DPP6: variants seen among roughly 807,000 people sequenced by gnomAD.
DPP6 encodes A-type potassium channel modulatory protein DPP6.
In DPP6, 69 loss-of-function variants were observed where a neutral mutation model predicts 122.6. The ratio of observed to expected loss-of-function variants is 0.56; its 90% CI spans 0.46 to 0.69. The LOEUF (loss-of-function observed/expected upper bound fraction) is 0.69, where lower values mean the gene tolerates loss of function less well. Ranked by LOEUF, DPP6 falls within the 30% of genes least tolerant of loss-of-function variation. The pLI is 0.00. For missense variants in DPP6, 928 were observed against 1,116.9 expected, an observed-to-expected ratio of 0.83 and a Z score of 2.41; for synonymous variants, 418 against 433.1, an observed-to-expected ratio of 0.97 and a Z score of 0.43.
At chr7:154,066,061 T>C (rs1453402887) in intron 1 of DPP6, among the ~76,000 whole-genome samples, 1 of 80,184 alleles carries the variant, frequency 1.2e-5, no homozygotes, top group Non-Finnish European at 2.9e-5. Flanking sequence ...TTTTTTTTAC[T>C]TTTTTTTTTT....
At chr7:154,080,722 T>G in intron 1 of DPP6, among the ~76,000 whole-genome samples, 1 of 152,204 alleles carries the variant, frequency 6.6e-6, no homozygotes, top group East Asian at 1.9e-4. Context: ...TCTTTTCCCA[T>G]TTCCTGCATG....
chr7:154,029,769 C>T (rs1799134125), intron 1 of DPP6, among the ~76,000 whole-genome samples: 2 of 151,532 alleles, frequency 1.3e-5, no homozygotes, highest in South Asian at 4.2e-4. Flanking sequence ...TGGCGTGAAC[C>T]CGGGAGGCAG....
Position 154,514,131 on chromosome 7 carries a change from G to A in DPP6, c.458-26401G>A, listed in dbSNP as rs191451432. ...TCTACTAAAATTCCAAAACAATTAG[G>A]CAGGCATGGTGGTGGGTACCTGTAA... is the stretch of plus-strand genomic sequence containing the variant. On this transcript the variant is annotated intron_variant, in intron 3 of 25. Coordinates refer to ENST00000377770, the MANE Select transcript of DPP6 (RefSeq NM_130797.4). Among the ~76,000 whole-genome samples, 489 of 152,112 alleles carry A rather than the reference G, an allele frequency of 3.2e-3. 4 individuals are homozygous for A. Among genetic ancestry groups the A allele is most frequent in the Non-Finnish European group, 5.5e-3 (376 of 67,996 alleles).
chr7:154,449,760 C>T (rs1271357689), intron 2 of DPP6, among the ~76,000 whole-genome samples: 1 of 152,016 alleles, frequency 6.6e-6, no homozygotes, highest in Admixed American at 6.6e-5. Flanking sequence ...ATAATCCCAG[C>T]ACTTTGGGAG....
At chr7:153,897,005 A>G (rs1307617316) in intron 1 of DPP6, among the ~76,000 whole-genome samples, 1 of 152,068 alleles carries the variant, frequency 6.6e-6, no homozygotes, top group Non-Finnish European at 1.5e-5. Context: ...TTTTTTTAAG[A>G]TCTCCACCCT....
At chr7:154,650,755 A>G (rs1275872870) in intron 6 of DPP6, among the ~76,000 whole-genome samples, 1 of 152,168 alleles carries the variant, frequency 6.6e-6, no homozygotes, top group Non-Finnish European at 1.5e-5. Flanking sequence ...GAAACCAGAT[A>G]AAATTCGTGT....
intron 1 of DPP6, among the ~76,000 whole-genome samples, chr7:154,331,056 G>A (rs1426044736): frequency 1.3e-5 from 2 of 152,180 alleles, no homozygotes; most frequent in Non-Finnish European, 2.9e-5. Flanking sequence ...ATTGCTGGTG[G>A]CAGTCATCTC....
At chr7:154,617,879 C>T (rs542572380) in intron 5 of DPP6, among the ~76,000 whole-genome samples, 106 of 152,240 alleles carry the variant, frequency 7.0e-4, no homozygotes, top group Non-Finnish European at 9.6e-4. Context: ...TCCAGGTCAT[C>T]GGGAGGCGTC....
intron 1 of DPP6, among the ~76,000 whole-genome samples, chr7:154,074,554 A>G (rs1042897308): frequency 1.3e-5 from 2 of 152,236 alleles, no homozygotes; most frequent in African/African-American, 4.8e-5. Flanking sequence ...CAACTTTCCA[A>G]TATAAATTCA....
the DPP6 span, among the ~76,000 whole-genome samples, chr7:153,879,974 ATT>A: frequency 6.6e-6 from 1 of 152,082 alleles, no homozygotes; most frequent in Admixed American, 6.6e-5. Flanking sequence ...GGCCTTCTAA[ATT>A]TTTCTTTCTT....
In DPP6 at chr7:154,138,525, C is replaced by T. The variant is rs564403598; in HGVS notation, c.243+85462C>T. ...CCACAGGGAAGGAGCCAACCCAGTCCCTTTAACTTGGCTATGGTGGATCAA... is the reference window on the plus strand; with the variant it reads ...CCACAGGGAAGGAGCCAACCCAGTCTCTTTAACTTGGCTATGGTGGATCAA... On this transcript the variant is annotated intron_variant, in intron 1 of 25. Transcript: ENST00000377770. Among the ~76,000 whole-genome samples, 4 of 152,216 alleles carry T rather than the reference C, an allele frequency of 2.6e-5. No homozygotes were observed. In the South Asian group the frequency reaches 8.3e-4, roughly 32 times the overall value.
At chr7:154,150,653 C>T (rs1796364825) in intron 1 of DPP6, among the ~76,000 whole-genome samples, 1 of 152,250 alleles carries the variant, frequency 6.6e-6, no homozygotes, top group African/African-American at 2.4e-5. Flanking sequence ...TTCCAGTAAG[C>T]ACCTGTGATG....
intron 1 of DPP6, among the ~76,000 whole-genome samples, chr7:154,033,416 G>A (rs1054429938): frequency 6.6e-6 from 1 of 152,206 alleles, no homozygotes; most frequent in African/African-American, 2.4e-5. Flanking sequence ...CTGTTTCTCT[G>A]TCTCTAAATG....
chr7:154,767,754 T>C (rs1329731220), intron 8 of DPP6, among the ~76,000 whole-genome samples: 2 of 152,006 alleles, frequency 1.3e-5, no homozygotes, highest in Non-Finnish European at 2.9e-5. Flanking sequence ...AATTCATTTT[T>C]CCCTGAGCAC....
intron 1 of DPP6, among the ~76,000 whole-genome samples, chr7:153,933,864 C>T (rs1410666067): frequency 6.6e-6 from 1 of 152,158 alleles, no homozygotes; most frequent in Non-Finnish European, 1.5e-5. Flanking sequence ...CATGGATTGG[C>T]CAGCCACAGC....
chr7:154,879,213 T>G (rs1409760194), intron 20 of DPP6, among the ~76,000 whole-genome samples: 1 of 150,944 alleles, frequency 6.6e-6, no homozygotes, highest in Admixed American at 6.6e-5. Flanking sequence ...GAGGCCCAGG[T>G]GGGCGGATCA....
chr7:153,795,772 C>T, the DPP6 span, among the ~76,000 whole-genome samples: 1 of 151,260 alleles, frequency 6.6e-6, no homozygotes, highest in Non-Finnish European at 1.5e-5. Context: ...AAAAGACTCC[C>T]TCAAAATTAA....
In DPP6 at chr7:154,053,234, G is replaced by GC. The variant is rs369595274; in HGVS notation, c.243+172dup. ...TCCGTGGCGCCAGATCGCGGTCACCGCGTCCCGGAGGGAGCGGGTCTGTGT... is the reference window on the plus strand; with the variant it reads ...TCCGTGGCGCCAGATCGCGGTCACCGCCGTCCCGGAGGGAGCGGGTCTGTGT... On this transcript the variant is annotated intron_variant, in intron 1 of 25. Transcript: ENST00000377770. 1 allele frequency among the ~76,000 whole-genome samples: 149,150 copies of GC among 149,164 alleles called. 74,568 individuals carry two copies. The highest frequency in any genetic ancestry group is 1 in the Middle Eastern group (292 of 292).
At chr7:154,669,511 C>A (rs1254844574) in intron 7 of DPP6, 70 bp downstream of exon 7, 13 of 1,534,634 alleles carry the variant, frequency 8.5e-6, no homozygotes, top group Non-Finnish European at 1.1e-5. Context: ...CTGAATGGAT[C>A]TCACTGTACT....
Sources: gnomAD v4.1 joint callset for allele counts (sites outside exome capture counted in the v4.1 genomes callset) on GRCh38, gnomAD v4.1.1 for gene constraint, MANE v1.5 for transcripts, NCBI Gene and HGNC (gene_info 2026-07-23, HGNC 2026-07-21) for gene names.